PRKCB: variants seen among roughly 807,000 people sequenced by gnomAD.
The protein encoded by PRKCB is protein kinase C beta type.
A neutral mutation model predicts 81.5 loss-of-function variants in PRKCB; 13 were observed. That is an observed-to-expected ratio of 0.16 (90% CI 0.10 to 0.25). The LOEUF is 0.25. Ranked by LOEUF, PRKCB falls within the 10% of genes least tolerant of loss-of-function variation. The pLI, the probability that PRKCB is intolerant of heterozygous loss-of-function variation, is 1.00. For synonymous variants in PRKCB, 335 were observed against 321.4 expected (o/e 1.04, Z -0.45); for missense variants, 509 against 875.7 (o/e 0.58, Z 5.29).
At chr16:24,114,023 C>T (rs1303825618) in intron 8 of PRKCB, among the ~76,000 whole-genome samples, 1 of 151,646 alleles carries the variant, frequency 6.6e-6, no homozygotes, top group Admixed American at 6.6e-5. Flanking sequence ...TGGACACCAG[C>T]CTGGCCAATA....
At chr16:23,900,642 A>G (rs953089439) in intron 2 of PRKCB, among the ~76,000 whole-genome samples, 1 of 135,568 alleles carries the variant, frequency 7.4e-6, no homozygotes, top group Non-Finnish European at 1.5e-5. Flanking sequence ...TTTTTTTCCT[A>G]TGTGATGACG....
At chr16:24,036,191 G>T (rs1236906448) in intron 5 of PRKCB, among the ~76,000 whole-genome samples, 1 of 151,512 alleles carries the variant, frequency 6.6e-6, no homozygotes, top group Non-Finnish European at 1.5e-5. Flanking sequence ...CCTGGGAGAT[G>T]CAGTGAGAGG....
intron 5 of PRKCB, among the ~76,000 whole-genome samples, chr16:24,079,609 G>T (rs1018402631): frequency 6.6e-6 from 1 of 152,172 alleles, no homozygotes; most frequent in Non-Finnish European, 1.5e-5. Context: ...TGACAAACCA[G>T]AAAAATGGTA....
At chr16:24,096,664 A>ATATATATAT (rs1260873156) in intron 7 of PRKCB, among the ~76,000 whole-genome samples, 194 of 84,844 alleles carry the variant, frequency 2.3e-3, no homozygotes, top group Non-Finnish European at 2.8e-3. Context: ...AAAAAAAAAA[A>ATATATATAT]AAATATATAT....
At chr16:23,871,689 G>A (rs57803503) in intron 2 of PRKCB, among the ~76,000 whole-genome samples, 86,251 of 151,760 alleles carry the variant, frequency 0.57, 24,997 homozygotes, top group African/African-American at 0.66. Context: ...GTGATTCTCT[G>A]GTTTCAGCCA....
At chr16:24,120,885 C>T (rs1966792161) in intron 8 of PRKCB, among the ~76,000 whole-genome samples, 1 of 152,140 alleles carries the variant, frequency 6.6e-6, no homozygotes, top group Admixed American at 6.5e-5. Flanking sequence ...AGGCACACAC[C>T]ACCATGCCTG....
At chr16:23,875,112 A>G (rs978075687) in intron 2 of PRKCB, among the ~76,000 whole-genome samples, 5 of 149,496 alleles carry the variant, frequency 3.3e-5, no homozygotes, top group Non-Finnish European at 7.4e-5. Context: ...TCAGGACTCA[A>G]TGCAACCTCG....
At position 23,888,086 on chromosome 16, in the gene PRKCB, A is replaced by C. The variant is rs532146986; in HGVS notation, c.205+50680A>C. Among the ~76,000 whole-genome samples, 3 of 152,240 alleles carry C rather than the reference A, an allele frequency of 2.0e-5. No homozygotes were observed. The South Asian group carries it at 6.2e-4, about 32-fold the overall frequency. The stretch of plus-strand genomic sequence containing the variant: ...TTTCTCCCTCCTCCTTTAGCGCATC[A>C]AGTCCCCTTCTTTGTTTTCCCAGCT... On this transcript the variant is annotated intron_variant, in intron 2 of 16. Transcript: ENST00000643927.
At chr16:24,080,069 G>T (rs1966229823) in intron 5 of PRKCB, among the ~76,000 whole-genome samples, 1 of 152,128 alleles carries the variant, frequency 6.6e-6, no homozygotes, top group Non-Finnish European at 1.5e-5. Flanking sequence ...TGTTTGAAGA[G>T]TGTGCGATCG....
At position 23,867,128 on chromosome 16, in the gene PRKCB, T is replaced by C. The variant is rs201236256; in HGVS notation, c.205+29722T>C. Among the ~76,000 whole-genome samples the C allele has an allele frequency of 2.1e-4, 26 of 126,000 alleles. No individual in the cohort carries two copies. The East Asian group carries it at 4.8e-3, about 23-fold the overall frequency. The allele number at this position is 126,000 out of a possible 152,430, so 82.7% of individuals were successfully genotyped here. On this transcript the variant is annotated intron_variant, in intron 2 of 16. Transcript: ENST00000643927. ...TCTTTTCTTTCTTCATTTCCTTTCC[T>C]TTCTTTCCTTTCTTACTTTCCGAGT...
chr16:23,940,344 A>G (rs1964125335), intron 2 of PRKCB, among the ~76,000 whole-genome samples: 1 of 152,136 alleles, frequency 6.6e-6, no homozygotes, highest in Non-Finnish European at 1.5e-5. Flanking sequence ...TTGGGCATCT[A>G]TCCTAGATAA....
chr16:23,966,292 A>G (rs1567328448), intron 2 of PRKCB, among the ~76,000 whole-genome samples: 1 of 152,076 alleles, frequency 6.6e-6, no homozygotes, highest in Non-Finnish European at 1.5e-5. Context: ...TTCCTCCTCT[A>G]CCATCAGATG....
At chr16:24,042,092 TG>T (rs574427082) in intron 5 of PRKCB, among the ~76,000 whole-genome samples, 2 of 151,726 alleles carry the variant, frequency 1.3e-5, no homozygotes, top group African/African-American at 2.4e-5. Flanking sequence ...TGAACTTTGG[TG>T]GGGGGGTACG....
At chr16:23,853,296 G>A (rs1962504748) in intron 2 of PRKCB, among the ~76,000 whole-genome samples, 1 of 152,236 alleles carries the variant, frequency 6.6e-6, no homozygotes, top group African/African-American at 2.4e-5. Flanking sequence ...AGTGCAGGTG[G>A]TCCTGGTCAG....
intron 2 of PRKCB, among the ~76,000 whole-genome samples, chr16:23,905,081 G>A (rs1038535050): frequency 2.8e-5 from 4 of 143,056 alleles, no homozygotes; most frequent in African/African-American, 7.9e-5. Context: ...AGCACAGCTC[G>A]GAGTCTTGCT....
intron 2 of PRKCB, among the ~76,000 whole-genome samples, chr16:23,918,686 C>T (rs1206671032): frequency 6.6e-6 from 1 of 152,168 alleles, no homozygotes. Context: ...CATGAGGCAC[C>T]ATGCCAGGCC....
At chr16:23,850,512 T>C (rs1237035658) in intron 2 of PRKCB, among the ~76,000 whole-genome samples, 2 of 152,094 alleles carry the variant, frequency 1.3e-5, no homozygotes, top group African/African-American at 4.8e-5. Flanking sequence ...ATTACGGGCA[T>C]GCACCACCAC....
At chr16:24,171,130 A>C (rs1431978019) in intron 10 of PRKCB, among the ~76,000 whole-genome samples, 1 of 152,204 alleles carries the variant, frequency 6.6e-6, no homozygotes, top group Non-Finnish European at 1.5e-5. Flanking sequence ...TCTGTGGGGC[A>C]GGAATTTGGG....
intron 3 of PRKCB, among the ~76,000 whole-genome samples, chr16:24,024,935 A>C (rs564964636): frequency 2.6e-5 from 4 of 152,124 alleles, no homozygotes. Context: ...AGCAGGAAGG[A>C]GGAGGGAAGA....
Sources: allele counts gnomAD v4.1 joint callset (sites outside exome capture counted in the v4.1 genomes callset), GRCh38; gene constraint gnomAD v4.1.1; transcripts MANE v1.5; gene names NCBI Gene and HGNC (gene_info 2026-07-23, HGNC 2026-07-21).